The following TMCC1 variants were observed in gnomAD, a reference collection of about 807,000 sequenced individuals.
TMCC1 encodes the protein transmembrane and coiled-coil domains protein 1.
TMCC1 carries 15 observed loss-of-function variants against 52.4 expected under a neutral mutation model. The ratio of observed to expected loss-of-function variants is 0.29; its 90% CI spans 0.19 to 0.44. The LOEUF (loss-of-function observed/expected upper bound fraction) is 0.44. Ranked by LOEUF, TMCC1 falls within the 20% of genes least tolerant of loss-of-function variation. TMCC1 has a pLI of 1.00. For missense variants in TMCC1, 503 were observed against 806.0 expected (o/e 0.62, Z 4.55); for synonymous variants, 279 against 301.9 (o/e 0.92, Z 0.79).
chr3:129,883,430 T>C lies in TMCC1; in HGVS notation c.-434-2871A>G, dbSNP rs1560615902. Among the ~76,000 whole-genome samples the C allele has an allele frequency of 2.0e-5, 3 of 152,112 alleles. No homozygotes were observed. The East Asian group carries it at 5.8e-4, about 29-fold the overall frequency. On this transcript the variant is annotated intron_variant, in intron 1 of 6. Transcript: ENST00000393238. Reference sequence around the variant, plus strand: ...GAGTTTGAGATCAGTCCGGGCAACATGGTGAGGCCCCATTTCTACAAAAAA... The same window carrying C: ...GAGTTTGAGATCAGTCCGGGCAACACGGTGAGGCCCCATTTCTACAAAAAA...
At chr3:129,693,796 A>G (rs1236412549) in intron 4 of TMCC1, among the ~76,000 whole-genome samples, 2 of 152,206 alleles carry the variant, frequency 1.3e-5, no homozygotes, top group Admixed American at 6.5e-5. Context: ...TTTTCATGGA[A>G]TACTGAGCAT....
intron 4 of TMCC1, among the ~76,000 whole-genome samples, chr3:129,724,206 A>G (rs1051089737): frequency 6.6e-6 from 1 of 152,180 alleles, no homozygotes; most frequent in African/African-American, 2.4e-5. Context: ...AAGTAATGGC[A>G]ATTCCAAAAC....
At chr3:129,843,097 A>C (rs2059496030) in intron 2 of TMCC1, among the ~76,000 whole-genome samples, 1 of 152,234 alleles carries the variant, frequency 6.6e-6, no homozygotes, top group Non-Finnish European at 1.5e-5. Flanking sequence ...CTATAATCCC[A>C]GCACTTTGGG....
chr3:129,737,437 G>A (rs531871251), intron 4 of TMCC1, among the ~76,000 whole-genome samples: 20 of 151,622 alleles, frequency 1.3e-4, no homozygotes, highest in Non-Finnish European at 2.5e-4. Flanking sequence ...CCGAGATCAC[G>A]CCGCTGCACT....
chr3:129,732,745 G>A (rs1313391698), intron 4 of TMCC1, among the ~76,000 whole-genome samples: 1 of 152,118 alleles, frequency 6.6e-6, no homozygotes, highest in Admixed American at 6.6e-5. Flanking sequence ...ATCTGAGAAT[G>A]GTTCCCTAAA....
chr3:129,838,730 G>A (rs1668864317), intron 2 of TMCC1, among the ~76,000 whole-genome samples: 2 of 141,474 alleles, frequency 1.4e-5, no homozygotes, highest in Non-Finnish European at 3.0e-5. Flanking sequence ...TCTAGCCTGG[G>A]TGACAGAGCA....
chr3:129,774,260 C>T (rs780298699), intron 4 of TMCC1, among the ~76,000 whole-genome samples: 9 of 152,182 alleles, frequency 5.9e-5, no homozygotes, highest in Non-Finnish European at 1.3e-4. Context: ...ATATTTAGGG[C>T]ACTGACCAGT....
intron 4 of TMCC1, among the ~76,000 whole-genome samples, chr3:129,705,520 C>G (rs1353483353): frequency 6.6e-6 from 1 of 151,760 alleles, no homozygotes; most frequent in African/African-American, 2.4e-5. Flanking sequence ...TGTAAGCCTT[C>G]AAATCTTGAT....
intron 4 of TMCC1, among the ~76,000 whole-genome samples, chr3:129,822,437 C>T (rs1020367611): frequency 2.6e-5 from 4 of 152,114 alleles, no homozygotes; most frequent in African/African-American, 9.7e-5. Flanking sequence ...AAGACCCCAA[C>T]CCCATCTCAA....
chr3:129,820,794 G>A (rs1054066584), intron 4 of TMCC1, among the ~76,000 whole-genome samples: 11 of 152,080 alleles, frequency 7.2e-5, no homozygotes, highest in African/African-American at 2.4e-4. Context: ...AAAAACAATC[G>A]ATGCTATTAA....
intron 4 of TMCC1, 55 bp downstream of exon 4, chr3:129,827,748 G>C (rs1244031605): frequency 1.3e-6 from 2 of 1,570,516 alleles, no homozygotes; most frequent in African/African-American, 1.3e-5. Context: ...AGTCTGGAGA[G>C]TCCTAGGTAT....
At chr3:129,655,216 A>G in intron 5 of TMCC1, 113 bp from the exon 6 acceptor site, 1 of 1,326,988 alleles carries the variant, frequency 7.5e-7, no homozygotes, top group Non-Finnish European at 1.0e-6. Flanking sequence ...GCACAAAGAA[A>G]TTGAGTGGCC....
At chr3:129,889,490 C>A (rs910669955) in intron 1 of TMCC1, among the ~76,000 whole-genome samples, 3 of 152,060 alleles carry the variant, frequency 2.0e-5, no homozygotes, top group Non-Finnish European at 4.4e-5. Flanking sequence ...GATAATGTAT[C>A]AATACTGGTT....
intron 4 of TMCC1, among the ~76,000 whole-genome samples, chr3:129,700,571 G>A (rs1269242196): frequency 2.0e-5 from 3 of 152,030 alleles, no homozygotes; most frequent in Non-Finnish European, 4.4e-5. Flanking sequence ...CTACCTCCTG[G>A]GTTCAAGTGC....
chr3:129,670,287 A>C lies in TMCC1; in HGVS notation c.1511+43T>G, dbSNP rs1041647965. The stretch of plus-strand genomic sequence containing the variant: ...TTTCCCCATATCTAAAGGGAGGGGA[A>C]CCCTACACAAATAATTTCAGATATT... On this transcript the variant is annotated intron_variant, in intron 5 of 6. Coordinates refer to ENST00000393238, the MANE Select transcript of TMCC1 (RefSeq NM_001017395.5). The C allele has an allele frequency of 1.9e-6, 3 of 1,573,126 alleles. No homozygotes were observed. In the African/African-American group the frequency reaches 4.1e-5, roughly 21 times the overall value.
intron 3 of TMCC1, among the ~76,000 whole-genome samples, chr3:129,830,709 G>T (rs986845993): frequency 1.3e-5 from 2 of 152,172 alleles, no homozygotes; most frequent in Non-Finnish European, 2.9e-5. Flanking sequence ...TTAAAAGACA[G>T]CAAGAATAAA....
At position 129,648,614 on chromosome 3, in the gene TMCC1, A is replaced by C. The variant is rs1474502266; in HGVS notation, c.*2867T>G. On this transcript the variant is annotated 3_prime_UTR_variant, in exon 7 of 7. Coordinates refer to ENST00000393238, the MANE Select transcript of TMCC1 (RefSeq NM_001017395.5). Reference sequence around the variant, plus strand: ...CACCCAGGCCAACACAGCCAGCTTCACTCACCCAGGCTAGAGGCATGGACA... The same window carrying C: ...CACCCAGGCCAACACAGCCAGCTTCCCTCACCCAGGCTAGAGGCATGGACA... 6.6e-6 allele frequency: 1 copy of C among 151,986 alleles called. No homozygotes were observed. The highest frequency in any genetic ancestry group is 1.5e-5 in the Non-Finnish European group (1 of 68,030). 9.4% of individuals were successfully genotyped at this position (151,986 alleles called of 1,614,324 possible).
chr3:129,727,373 A>T (rs2050189324), intron 4 of TMCC1, among the ~76,000 whole-genome samples: 1 of 152,142 alleles, frequency 6.6e-6, no homozygotes. Flanking sequence ...TTGGAACCTT[A>T]CTGAGGATCA....
intron 4 of TMCC1, among the ~76,000 whole-genome samples, chr3:129,776,861 T>C (rs184233543): frequency 3.0e-4 from 45 of 152,238 alleles, no homozygotes; most frequent in African/African-American, 8.9e-4. Flanking sequence ...TCTCAAACTC[T>C]TGGCCTCAAG....
Sources: gnomAD v4.1 joint callset for allele counts (sites outside exome capture counted in the v4.1 genomes callset) on GRCh38, gnomAD v4.1.1 for gene constraint, MANE v1.5 for transcripts, NCBI Gene and HGNC (gene_info 2026-07-23, HGNC 2026-07-21) for gene names.